Variants in NRXN3 observed in about 807,000 individuals in gnomAD.
NRXN3 encodes neurexin 3.
NRXN3 carries 32 observed loss-of-function variants against 137.6 expected under a neutral mutation model. That is an observed-to-expected ratio of 0.23 (90% CI 0.18 to 0.31). NRXN3 has a LOEUF of 0.31. NRXN3 is among the 10% of genes least tolerant of loss of function. The pLI, the probability that NRXN3 is intolerant of heterozygous loss-of-function variation, is 1.00. For missense variants in NRXN3, 1,574 were observed against 2,062.5 expected (o/e 0.76, Z 4.59); for synonymous variants, 798 against 784.5 (o/e 1.02, Z -0.29).
intron 20 of NRXN3, among the ~76,000 whole-genome samples, chr14:79,813,205 AC>A (rs1184810764): frequency 6.6e-6 from 1 of 152,172 alleles, no homozygotes; most frequent in East Asian, 1.9e-4. Context: ...AACTTGGCAA[AC>A]AAAGCATGTT....
intron 4 of NRXN3, among the ~76,000 whole-genome samples, chr14:78,495,121 G>C (rs990882792): frequency 1.3e-5 from 1 of 74,224 alleles, no homozygotes; most frequent in African/African-American, 4.9e-5. Context: ...TGTATATGTG[G>C]GGTGTGTGTG....
rs116612710 is a variant in NRXN3 at position 78,222,999 on chromosome 14, T to G, written c.-703-19392T>G. Among the ~76,000 whole-genome samples the G allele has an allele frequency of 1.6e-3, 251 of 152,364 alleles. 2 individuals carry two copies. The highest frequency in any genetic ancestry group is 5.8e-3 in the African/African-American group (243 of 41,586). On this transcript the variant is annotated intron_variant, in intron 1 of 20. Coordinates refer to ENST00000335750, the MANE Select transcript of NRXN3 (RefSeq NM_001330195.2). The stretch of plus-strand genomic sequence containing the variant: ...TCTCCACATAAAAGAATTCAAAACT[T>G]ATTTTTGGTAATGTCACTCAACAAA...
chr14:78,539,320 C>T (rs968270924), intron 4 of NRXN3, among the ~76,000 whole-genome samples: 2 of 151,054 alleles, frequency 1.3e-5, no homozygotes, highest in African/African-American at 2.4e-5. Context: ...CAGAGATTCA[C>T]CTTCTTCCTG....
At chr14:78,388,457 C>T (rs955132640) in intron 4 of NRXN3, among the ~76,000 whole-genome samples, 3 of 152,036 alleles carry the variant, frequency 2.0e-5, no homozygotes, top group Non-Finnish European at 2.9e-5. Flanking sequence ...CCATTAAAAA[C>T]GTTTTAATAA....
At chr14:78,868,870 C>T (rs968389064) in intron 10 of NRXN3, among the ~76,000 whole-genome samples, 2 of 151,882 alleles carry the variant, frequency 1.3e-5, no homozygotes, top group Non-Finnish European at 2.9e-5. Flanking sequence ...CATAGCTTTG[C>T]AACTGAATGG....
intron 10 of NRXN3, among the ~76,000 whole-genome samples, chr14:78,850,123 G>A (rs2099038665): frequency 6.6e-6 from 1 of 152,026 alleles, no homozygotes; most frequent in Admixed American, 6.6e-5. Context: ...GCAGTAGGCT[G>A]CCACTAATAC....
At chr14:79,753,471 C>CA (rs2099006115) in intron 19 of NRXN3, among the ~76,000 whole-genome samples, 1 of 146,310 alleles carries the variant, frequency 6.8e-6, no homozygotes, top group Non-Finnish European at 1.5e-5. Flanking sequence ...ATCGCAAGGA[C>CA]AAAAAACAAA....
At chr14:79,220,389 G>C (rs1048936079) in intron 15 of NRXN3, among the ~76,000 whole-genome samples, 1 of 152,154 alleles carries the variant, frequency 6.6e-6, no homozygotes. Flanking sequence ...ACACATGATA[G>C]CTTCCCCCAT....
At chr14:79,850,460 A>T (rs538705063) in intron 20 of NRXN3, among the ~76,000 whole-genome samples, 4 of 152,282 alleles carry the variant, frequency 2.6e-5, no homozygotes, top group Non-Finnish European at 4.4e-5. Context: ...CTTGAGCTCA[A>T]CCCAAAGCAG....
intron 18 of NRXN3, 92 bp from the exon 19 acceptor site, chr14:79,697,538 A>T: frequency 1.5e-6 from 2 of 1,371,354 alleles, no homozygotes; most frequent in Non-Finnish European, 2.0e-6. Context: ...TGCTCAAGGA[A>T]GCCTGTTATG....
At chr14:78,340,187 C>A (rs2081995433) in intron 4 of NRXN3, among the ~76,000 whole-genome samples, 1 of 152,248 alleles carries the variant, frequency 6.6e-6, no homozygotes, top group Non-Finnish European at 1.5e-5. Context: ...AACCAGCCAC[C>A]AACTTGGCAG....
chr14:79,106,595 T>C (rs1458887045), intron 15 of NRXN3, among the ~76,000 whole-genome samples: 1 of 152,138 alleles, frequency 6.6e-6, no homozygotes, highest in Non-Finnish European at 1.5e-5. Flanking sequence ...TGATTCTACA[T>C]AATTACTTCA....
At position 79,072,831 on chromosome 14, in the gene NRXN3, T is replaced by C. The variant is rs533211990; in HGVS notation, c.3262+84690T>C. On this transcript the variant is annotated intron_variant, in intron 15 of 20. Coordinates refer to ENST00000335750, the MANE Select transcript of NRXN3 (RefSeq NM_001330195.2). ...TCATCCTTTGTACTCTGTCTCCCCA[T>C]CTCTCCTCCCTCCCTTGTTTTTCCA... Among the ~76,000 whole-genome samples, 3 of 152,022 alleles carry C rather than the reference T, an allele frequency of 2.0e-5. No homozygotes were observed. In the South Asian group the frequency reaches 6.2e-4, roughly 32 times the overall value.
At chr14:78,901,238 G>C (rs1412327446) in intron 10 of NRXN3, among the ~76,000 whole-genome samples, 1 of 151,146 alleles carries the variant, frequency 6.6e-6, no homozygotes, top group East Asian at 1.9e-4. Context: ...TTTTTTCCAT[G>C]TGTCCATCTC....
chr14:78,248,464 C>T (rs1035100741), intron 2 of NRXN3, among the ~76,000 whole-genome samples: 47 of 151,806 alleles, frequency 3.1e-4, no homozygotes, highest in African/African-American at 1.1e-3. Flanking sequence ...ACTCTTGCCC[C>T]ATCTCTCAAA....
rs149411082 is a variant in NRXN3 at position 78,707,324 on chromosome 14, A to G, written c.1222-1893A>G. On this transcript the variant is annotated intron_variant, in intron 6 of 20. Coordinates refer to ENST00000335750, the MANE Select transcript of NRXN3 (RefSeq NM_001330195.2). ...TAAGGTAATATAAAGAAAATAGGAA[A>G]ATAGTTGGGACGCTCAATACTCAGA... 5.1e-4 allele frequency among the ~76,000 whole-genome samples: 77 copies of G among 152,296 alleles called. 1 individual carries two copies. Among genetic ancestry groups the G allele is most frequent in the African/African-American group, 1.8e-3 (75 of 41,572 alleles).
intron 8 of NRXN3, among the ~76,000 whole-genome samples, chr14:78,721,002 C>T (rs189772961): frequency 1.8e-4 from 27 of 152,280 alleles, no homozygotes; most frequent in East Asian, 1.7e-3. Context: ...CTGTCCTCCA[C>T]GAGCTCACAG....
intron 4 of NRXN3, among the ~76,000 whole-genome samples, chr14:78,416,479 T>C (rs560657169): frequency 6.6e-6 from 1 of 152,174 alleles, no homozygotes; most frequent in African/African-American, 2.4e-5. Context: ...ATTTTAACTG[T>C]CAAATTGATC....
At chr14:79,069,938 T>G (rs2099685482) in intron 15 of NRXN3, among the ~76,000 whole-genome samples, 1 of 145,850 alleles carries the variant, frequency 6.9e-6, no homozygotes, top group Admixed American at 7.4e-5. Context: ...ATATGATAAT[T>G]TGTAAGTGAG....
Sources: gnomAD v4.1 joint callset for allele counts (sites outside exome capture counted in the v4.1 genomes callset) on GRCh38, gnomAD v4.1.1 for gene constraint, MANE v1.5 for transcripts, NCBI Gene and HGNC (gene_info 2026-07-23, HGNC 2026-07-21) for gene names.